Variants in KCNMB3 observed in about 807,000 individuals in gnomAD.
KCNMB3 encodes the protein calcium-activated potassium channel subunit beta-3.
KCNMB3 carries 18 observed loss-of-function variants against 11.9 expected under a neutral mutation model. The ratio of observed to expected loss-of-function variants is 1.51; its 90% CI spans 1.04 to 2.23. The LOEUF (loss-of-function observed/expected upper bound fraction) is 2.23. Ranked by LOEUF, KCNMB3 falls within the 30% of genes most tolerant of loss-of-function variation. The probability of loss-of-function intolerance (pLI) is 0.00; values close to 1 mark genes in which losing one functional copy is unlikely to be tolerated. For synonymous variants in KCNMB3, 78 were observed against 119.2 expected, an observed-to-expected ratio of 0.65 and a Z score of 2.25; for missense variants, 247 against 329.4, an observed-to-expected ratio of 0.75 and a Z score of 1.94.
chr3:179,245,734 C>T (rs778712443), intron 1 of KCNMB3, among the ~76,000 whole-genome samples: 5 of 152,130 alleles, frequency 3.3e-5, no homozygotes, highest in Admixed American at 6.5e-5. Context: ...CTCCTGACCT[C>T]GTCATCCTCC....
At chr3:179,263,255 G>A (rs1163955877) in intron 1 of KCNMB3, among the ~76,000 whole-genome samples, 1 of 152,258 alleles carries the variant, frequency 6.6e-6, no homozygotes, top group African/African-American at 2.4e-5. Context: ...TGGCCCAGGT[G>A]CTAAGCCCCT....
intron 1 of KCNMB3, chr3:179,259,577 T>A: frequency 6.2e-7 from 1 of 1,608,646 alleles, no homozygotes; most frequent in Non-Finnish European, 8.5e-7. Context: ...TCACCTCGTT[T>A]TGGGCTTCCA....
Position 179,262,649 on chromosome 3 carries a change from G to C in KCNMB3, c.62+4000C>G, listed in dbSNP as rs138515861. Among the ~76,000 whole-genome samples, 264 of 152,258 alleles carry C rather than the reference G, an allele frequency of 1.7e-3. 3 individuals are homozygous for C. Among genetic ancestry groups the C allele is most frequent in the African/African-American group, 6.0e-3 (249 of 41,556 alleles). ...CCTGCTGATTGGTCCATTTTACAGA[G>C]AGCCGATTGGTCCATTTTACAGAGA... On this transcript the variant is annotated intron_variant, in intron 1 of 3. Coordinates refer to the KCNMB3 transcript ENST00000349697.
At chr3:179,252,813 C>G (rs1265349851), upstream of KCNMB3, among the ~76,000 whole-genome samples, 1 of 150,286 alleles carries the variant, frequency 6.7e-6, no homozygotes, top group Non-Finnish European at 1.5e-5. Flanking sequence ...CTCACTGCAA[C>G]CTCCGTCTCC....
chr3:179,257,988 G>A (rs1202054226), intron 1 of KCNMB3, among the ~76,000 whole-genome samples: 2 of 152,062 alleles, frequency 1.3e-5, no homozygotes, highest in Non-Finnish European at 1.5e-5. Flanking sequence ...AGGTTCAAGC[G>A]ATTCTCCTGC....
At chr3:179,266,175 G>A (rs1198691060) in intron 1 of KCNMB3, among the ~76,000 whole-genome samples, 1 of 152,068 alleles carries the variant, frequency 6.6e-6, no homozygotes, top group Non-Finnish European at 1.5e-5. Context: ...TAAGTGGTGA[G>A]CTGGGTTTGA....
chr3:179,259,730 CTTG>C, intron 1 of KCNMB3: 2 of 1,592,358 alleles, frequency 1.3e-6, no homozygotes. Flanking sequence ...TTTTCTTTTT[CTTG>C]TTCTTTCTCT....
rs768613132 is a variant in KCNMB3 at position 179,250,866 on chromosome 3, T to G, written c.125A>C (p.His42Pro). 5 of 1,614,178 alleles carry G rather than the reference T, an allele frequency of 3.1e-6. No individual in the cohort carries two copies. The highest frequency in any genetic ancestry group is 1.1e-5 in the South Asian group (1 of 91,086). Residue 42 changes from histidine to proline, a missense_variant, in exon 1 of 3, where the codon CAC becomes CCC. Around this residue, in one of 2 missense-constraint regions of KCNMB3, gnomAD observed 160 missense variants for 157.5 expected, o/e 1.02. Coordinates refer to ENST00000392685, the MANE Select transcript of KCNMB3 (RefSeq NM_171830.2). ...TCCAGCACTGGATGGCAGCCTCTTG[T>G]GCACATCTAGTGGGTCTCCATCACT... is the stretch of plus-strand genomic sequence containing the variant. ...DYSDGDPLDVHKRLPSSAGED... is the reference protein window; with the variant it reads ...DYSDGDPLDVPKRLPSSAGED...
At chr3:179,250,418 T>C (rs534614248) in intron 1 of KCNMB3, among the ~76,000 whole-genome samples, 1 of 152,322 alleles carries the variant, frequency 6.6e-6, no homozygotes, top group African/African-American at 2.4e-5. Context: ...GGTTTAACTC[T>C]CTCTTGGAAT....
intron 1 of KCNMB3, among the ~76,000 whole-genome samples, chr3:179,261,576 G>A (rs893814158): frequency 4.5e-5 from 6 of 134,592 alleles, no homozygotes; most frequent in Non-Finnish European, 6.4e-5. Context: ...GGCCCGCCCC[G>A]CCCCACACTT....
At position 179,244,679 on chromosome 3, in the gene KCNMB3, T is replaced by C. The variant is rs1725576698; in HGVS notation, c.263A>G (p.Glu88Gly). The C allele has an allele frequency of 1.9e-6, 3 of 1,613,152 alleles. No individual in the cohort carries two copies. In the South Asian group the frequency reaches 3.3e-5, roughly 18 times the overall value. ...TGTGTGGATGGCAGTGCAGGTCGAT[T>C]CTTCTCTCTGAATGCTTCAATTTGA... The part of the protein sequence containing the change: ...KPFMLSIQRE[E>G]STCTAIHTDI... Residue 88 changes from glutamate to glycine, a missense_variant, in exon 2 of 3, where the codon GAA becomes GGA. Around this residue, in one of 2 missense-constraint regions of KCNMB3, gnomAD observed 160 missense variants for 157.5 expected, o/e 1.02. Coordinates refer to ENST00000392685, the MANE Select transcript of KCNMB3 (RefSeq NM_171830.2).
intron 1 of KCNMB3, among the ~76,000 whole-genome samples, chr3:179,248,419 T>G (rs1296012351): frequency 6.6e-6 from 1 of 152,158 alleles, no homozygotes. Context: ...TGCATATAAC[T>G]TTTGACTCCT....
chr3:179,254,582 G>T (rs531174363), upstream of KCNMB3, among the ~76,000 whole-genome samples: 38 of 152,186 alleles, frequency 2.5e-4, no homozygotes, highest in South Asian at 5.6e-3. Context: ...AGGTCGAGGT[G>T]GGCGAATCAT....
Position 179,244,433 on chromosome 3 carries a change from T to C in KCNMB3, c.447+62A>G, listed in dbSNP as rs191985844. 312 of 1,394,720 alleles carry C rather than the reference T, an allele frequency of 2.2e-4. 3 individuals are homozygous for C. In the South Asian group the frequency reaches 2.8e-3, roughly 12 times the overall value. 86.4% of individuals were successfully genotyped at this position (1,394,720 alleles called of 1,614,324 possible). On this transcript the variant is annotated intron_variant, in intron 2 of 2. Coordinates refer to ENST00000392685, the MANE Select transcript of KCNMB3 (RefSeq NM_171830.2). ...ACAGCCCTGGGTTATTTATGTACCC[T>C]GCTAGGGACAGTCTGGCAGGGAAGG...
At chr3:179,250,274 CTACATAT>C (rs1368621804) in intron 1 of KCNMB3, among the ~76,000 whole-genome samples, 1 of 152,070 alleles carries the variant, frequency 6.6e-6, no homozygotes, top group East Asian at 1.9e-4. Flanking sequence ...AACTGTATCA[CTACATAT>C]ATTGAATAAA....
chr3:179,266,792 C>T, exon 1 of KCNMB3: 2 of 1,563,050 alleles, frequency 1.3e-6, no homozygotes, highest in Non-Finnish European at 1.7e-6. Context: ...CTTAGACATC[C>T]ACGGAAGTGG....
downstream of KCNMB3, chr3:179,242,557 T>C (rs1203917984): frequency 5.4e-6 from 1 of 183,860 alleles, no homozygotes; most frequent in Non-Finnish European, 1.1e-5. Flanking sequence ...GATGGTTCAG[T>C]GTTCAGTAGA....
downstream of KCNMB3, chr3:179,242,187 G>A: frequency 6.6e-6 from 1 of 152,420 alleles, no homozygotes; most frequent in Non-Finnish European, 1.5e-5. Context: ...CTGAGGTCAG[G>A]AGCTCAAGAC....
intron 1 of KCNMB3, chr3:179,260,188 G>T (rs1454577358): frequency 1.2e-6 from 2 of 1,613,084 alleles, no homozygotes; most frequent in African/African-American, 2.7e-5. Context: ...TTCTCTGTGT[G>T]GCTCCCACCA....
Sources: gnomAD v4.1 joint callset for allele counts (sites outside exome capture counted in the v4.1 genomes callset) on GRCh38, gnomAD v4.1.1 for gene constraint, gnomAD v4.1.1 regional missense constraint, MANE v1.5 for transcripts, NCBI Gene and HGNC (gene_info 2026-07-23, HGNC 2026-07-21) for gene names.